The following CDS2 variants were observed in gnomAD, a reference collection of about 807,000 sequenced individuals.
The protein encoded by CDS2 is CDP-diacylglycerol synthase 2, also known as phosphatidate cytidylyltransferase 2.
In CDS2, 47 loss-of-function variants were observed where a neutral mutation model predicts 59.0. That is an observed-to-expected ratio of 0.80 (90% CI 0.63 to 1.02). The LOEUF (loss-of-function observed/expected upper bound fraction) is 1.02. Ranked by LOEUF, CDS2 falls within the 50% of genes least tolerant of loss-of-function variation. CDS2 has a pLI of 0.00. For synonymous variants in CDS2, 207 were observed against 206.4 expected, an observed-to-expected ratio of 1.00 and a Z score of -0.02; for missense variants, 356 against 558.9, an observed-to-expected ratio of 0.64 and a Z score of 3.66.
chr20:5,132,489 T>TA, intron 1 of CDS2, among the ~76,000 whole-genome samples: 1 of 152,230 alleles, frequency 6.6e-6, no homozygotes, highest in Non-Finnish European at 1.5e-5. Context: ...TGTATGCAAT[T>TA]ACCTTCTTTT....
intron 1 of CDS2, among the ~76,000 whole-genome samples, chr20:5,137,312 C>T (rs1218053533): frequency 2.0e-5 from 3 of 150,662 alleles, no homozygotes; most frequent in East Asian, 2.0e-4. Context: ...AGCGTGATCT[C>T]GGCTCACTGC....
intron 1 of CDS2, among the ~76,000 whole-genome samples, chr20:5,154,192 C>T (rs191416449): frequency 2.8e-4 from 43 of 152,324 alleles, no homozygotes; most frequent in African/African-American, 1.0e-3. Flanking sequence ...CCAGCCAGCA[C>T]CTCTGGGAGT....
intron 1 of CDS2, among the ~76,000 whole-genome samples, chr20:5,141,248 C>G (rs1316031437): frequency 6.6e-6 from 1 of 152,252 alleles, no homozygotes; most frequent in African/African-American, 2.4e-5. Flanking sequence ...TAAGAAGAAT[C>G]TGAACAGACA....
At chr20:5,185,226 G>A (rs573506149) in intron 8 of CDS2, among the ~76,000 whole-genome samples, 1 of 152,154 alleles carries the variant, frequency 6.6e-6, no homozygotes, top group African/African-American at 2.4e-5. Context: ...TTCAAAAGCA[G>A]CCTGGGGAAC....
intron 1 of CDS2, among the ~76,000 whole-genome samples, chr20:5,169,494 T>TC (rs1021559227): frequency 5.8e-4 from 88 of 152,316 alleles, no homozygotes; most frequent in African/African-American, 2.0e-3. Context: ...GCTCATTAGT[T>TC]CAACAAATCT....
Position 5,184,715 on chromosome 20 carries a change from TTA to T in CDS2, c.672-141_672-140del, listed in dbSNP as rs745821974. On this transcript the variant is annotated intron_variant, in intron 7 of 12. Coordinates refer to ENST00000460006, the MANE Select transcript of CDS2 (RefSeq NM_003818.4). The surrounding 1 kb of genome is among the most constrained non-coding windows in gnomAD (Gnocchi z 4.3). The stretch of plus-strand genomic sequence containing the variant: ...CTAGGTATGACTTTTTTGGTATTTT[TTA>T]TGTTTTTAACTTACTCCTTAATGGG... 1.7e-4 allele frequency: 121 copies of T among 693,482 alleles called. No individual in the cohort carries two copies. Among genetic ancestry groups the T allele is most frequent in the Non-Finnish European group, 2.8e-4 (108 of 384,344 alleles). The allele number at this position is 693,482 out of a possible 1,614,324, so 43.0% of individuals were successfully genotyped here.
At chr20:5,178,552 C>G (rs1168779047) in intron 4 of CDS2, among the ~76,000 whole-genome samples, 2 of 152,024 alleles carry the variant, frequency 1.3e-5, no homozygotes, top group Non-Finnish European at 2.9e-5. Flanking sequence ...TATGGGAATG[C>G]TACAAAAGGG....
At chr20:5,183,011 TACTTTCAAG>T in intron 6 of CDS2, 41 bp from the exon 7 acceptor site, 1 of 1,465,764 alleles carries the variant, frequency 6.8e-7, no homozygotes, top group Non-Finnish European at 9.5e-7. Context: ...TCTTTGAAGT[TACTTTCAAG>T]GTAAACTGGT....
chr20:5,139,490 A>T (rs1286206727), intron 1 of CDS2, among the ~76,000 whole-genome samples: 2 of 152,240 alleles, frequency 1.3e-5, no homozygotes, highest in East Asian at 3.8e-4. Flanking sequence ...ATGTGAGACC[A>T]TGCCATTTGC....
At chr20:5,150,645 C>T (rs1406117251) in intron 1 of CDS2, among the ~76,000 whole-genome samples, 3 of 152,234 alleles carry the variant, frequency 2.0e-5, no homozygotes, top group African/African-American at 7.2e-5. Flanking sequence ...GCAGTGCAGG[C>T]CTGTGTGGCA....
intron 1 of CDS2, among the ~76,000 whole-genome samples, chr20:5,130,742 C>G (rs566696068): frequency 2.0e-5 from 3 of 150,412 alleles, no homozygotes; most frequent in African/African-American, 7.4e-5. Flanking sequence ...GAGATTGCGC[C>G]GTTGCACTCC....
At chr20:5,155,032 G>T (rs2090822561) in intron 1 of CDS2, among the ~76,000 whole-genome samples, 1 of 152,222 alleles carries the variant, frequency 6.6e-6, no homozygotes. Context: ...GTTCCATAGG[G>T]CAAGATTGAA....
rs186346142 is a variant in CDS2 at position 5,159,013 on chromosome 20, C to T, written c.58-14510C>T. The stretch of plus-strand genomic sequence containing the variant: ...CCTTGCTTTAACCCATGTGTCTTTG[C>T]GATGGAACAGAAGGATAAGCGAGCC... On this transcript the variant is annotated intron_variant, in intron 1 of 12. Coordinates refer to ENST00000460006, the MANE Select transcript of CDS2 (RefSeq NM_003818.4). Among the ~76,000 whole-genome samples, 24 of 152,010 alleles carry T rather than the reference C, an allele frequency of 1.6e-4. No individual in the cohort carries two copies. The East Asian group carries it at 3.1e-3, about 20-fold the overall frequency.
chr20:5,182,507 C>G (rs2091038644), intron 6 of CDS2, 62 bp downstream of exon 6: 1 of 1,439,588 alleles, frequency 6.9e-7, no homozygotes, highest in Admixed American at 1.8e-5. Flanking sequence ...TTCAGGAACT[C>G]AACAAGCCTT....
At position 5,165,109 on chromosome 20, in the gene CDS2, A is replaced by G. The variant is rs139912338; in HGVS notation, c.58-8414A>G. 6.0e-3 allele frequency among the ~76,000 whole-genome samples: 917 copies of G among 152,322 alleles called. 11 individuals are homozygous for G. The highest frequency in any genetic ancestry group is 0.021 in the African/African-American group (876 of 41,566). On this transcript the variant is annotated intron_variant, in intron 1 of 12. Coordinates refer to ENST00000460006, the MANE Select transcript of CDS2 (RefSeq NM_003818.4). ...CATGCAGAGGTTGGGACTCAGTACA[A>G]CTGTACGTATTTGAGTTAGAAAGCC...
In CDS2 at chr20:5,196,604, T is replaced by C. The variant is rs956107991; in HGVS notation, c.*6370T>C. On this transcript the variant is annotated 3_prime_UTR_variant, in exon 13 of 13. Transcript: ENST00000460006. ...AGTTTGGATGCCTTTTTTTGACACC[T>C]GCGCTAGGTTCTTGTATGCTGGCTT... The C allele has an allele frequency of 1.3e-5, 2 of 152,342 alleles. No individual in the cohort carries two copies. The highest frequency in any genetic ancestry group is 4.1e-4 in the South Asian group (2 of 4,828). 9.4% of individuals were successfully genotyped at this position (152,342 alleles called of 1,614,324 possible).
chr20:5,196,630 T>C lies in CDS2; in HGVS notation c.*6396T>C, dbSNP rs1050394157. 1 of 152,224 alleles carries C rather than the reference T, an allele frequency of 6.6e-6. No homozygotes were observed. The highest frequency in any genetic ancestry group is 1.5e-5 in the Non-Finnish European group (1 of 68,050). The allele number at this position is 152,224 out of a possible 1,614,324, so 9.4% of individuals were successfully genotyped here. On this transcript the variant is annotated 3_prime_UTR_variant, in exon 13 of 13. Transcript: ENST00000460006. ...GCGCTAGGTTCTTGTATGCTGGCTT[T>C]TCTTAAAGGAACAGCAGAGTAGAAA...
rs932953485 is a variant in CDS2 at position 5,137,282 on chromosome 20, C to T, written c.57+10133C>T. Among the ~76,000 whole-genome samples the T allele has an allele frequency of 5.3e-5, 8 of 149,874 alleles. No individual in the cohort carries two copies. In the East Asian group the frequency reaches 9.9e-4, roughly 19 times the overall value. On this transcript the variant is annotated intron_variant, in intron 1 of 12. Transcript: ENST00000460006. ...TTTTTGAGATGGAGTCTCGCCCTGT[C>T]GCCCAGGCTGGAGTGCAGTAGCGTG... is the stretch of plus-strand genomic sequence containing the variant.
At chr20:5,182,974 A>G (rs2091042228) in intron 6 of CDS2, 87 bp from the exon 7 acceptor site, 2 of 1,055,588 alleles carry the variant, frequency 1.9e-6, no homozygotes, top group South Asian at 1.3e-5. Context: ...CCTGCTTCTC[A>G]GCAGTTTTCT....
Sources: allele counts gnomAD v4.1 joint callset (sites outside exome capture counted in the v4.1 genomes callset), GRCh38; gene constraint gnomAD v4.1.1; non-coding constraint Gnocchi (gnomAD v3.1); transcripts MANE v1.5; gene names NCBI Gene and HGNC (gene_info 2026-07-23, HGNC 2026-07-21).